Variants in PPP2R2A observed in about 807,000 individuals in gnomAD.
PPP2R2A encodes protein phosphatase 2 regulatory subunit Balpha.
PPP2R2A carries 9 observed loss-of-function variants against 53.2 expected under a neutral mutation model. The ratio of observed to expected loss-of-function variants is 0.17; its 90% CI spans 0.10 to 0.30. The LOEUF is 0.30. Among genes scored for constraint, PPP2R2A ranks in the 10% least tolerant of loss-of-function variants. The pLI, the probability that PPP2R2A is intolerant of heterozygous loss-of-function variation, is 1.00. For synonymous variants in PPP2R2A, 169 were observed against 174.2 expected (o/e 0.97, Z 0.23); for missense variants, 235 against 534.6 (o/e 0.44, Z 5.53).
chr8:26,346,069 AT>A (rs1212393909), intron 3 of PPP2R2A, among the ~76,000 whole-genome samples: 3 of 151,510 alleles, frequency 2.0e-5, no homozygotes, highest in African/African-American at 7.3e-5. Flanking sequence ...TGATGAAGTG[AT>A]TTTTTTCTCT....
intron 2 of PPP2R2A, among the ~76,000 whole-genome samples, chr8:26,308,351 C>CT (rs1359926228): frequency 1.3e-5 from 2 of 152,110 alleles, no homozygotes; most frequent in African/African-American, 4.8e-5. Context: ...GCATGCAATG[C>CT]TCTTTAATAG....
At chr8:26,331,830 A>G (rs1342858227) in intron 2 of PPP2R2A, among the ~76,000 whole-genome samples, 1 of 152,188 alleles carries the variant, frequency 6.6e-6, no homozygotes, top group Non-Finnish European at 1.5e-5. Context: ...GATTTATGCT[A>G]TTTTGTGTTG....
intron 2 of PPP2R2A, among the ~76,000 whole-genome samples, chr8:26,304,000 C>T (rs1311792257): frequency 1.3e-5 from 2 of 152,178 alleles, no homozygotes. Context: ...TTCGAATGAT[C>T]TCTCTTTTTC....
chr8:26,352,516 AAT>A (rs1491319387), intron 3 of PPP2R2A, among the ~76,000 whole-genome samples: 9 of 152,296 alleles, frequency 5.9e-5, no homozygotes, highest in Middle Eastern at 3.4e-3. Context: ...TGATCACTTT[AAT>A]AAAGTTTCAG....
intron 2 of PPP2R2A, among the ~76,000 whole-genome samples, chr8:26,337,314 G>T (rs970577083): frequency 6.6e-6 from 1 of 152,180 alleles, no homozygotes; most frequent in South Asian, 2.1e-4. Flanking sequence ...TTACGAGAAA[G>T]AATTTGTGTC....
At chr8:26,339,234 G>A (rs1431878995) in intron 3 of PPP2R2A, among the ~76,000 whole-genome samples, 1 of 152,136 alleles carries the variant, frequency 6.6e-6, no homozygotes, top group Admixed American at 6.5e-5. Flanking sequence ...TTAGAGAAGG[G>A]GGTGGAAAGT....
chr8:26,310,950 T>C (rs1010043334), intron 2 of PPP2R2A, among the ~76,000 whole-genome samples: 1 of 152,188 alleles, frequency 6.6e-6, no homozygotes, highest in African/African-American at 2.4e-5. Context: ...AATCATACAT[T>C]GTAGTGGAGG....
chr8:26,312,410 C>G (rs1349850631), intron 2 of PPP2R2A, among the ~76,000 whole-genome samples: 1 of 152,202 alleles, frequency 6.6e-6, no homozygotes, highest in Non-Finnish European at 1.5e-5. Flanking sequence ...GCTGGTGTTG[C>G]TGCTGGTGGT....
chr8:26,328,081 C>T (rs1317719491), intron 2 of PPP2R2A, among the ~76,000 whole-genome samples: 1 of 152,160 alleles, frequency 6.6e-6, no homozygotes, highest in East Asian at 1.9e-4. Context: ...ATGCAAGATG[C>T]AGGCATATGT....
At chr8:26,300,194 A>G (rs972590741) in intron 2 of PPP2R2A, among the ~76,000 whole-genome samples, 1 of 152,236 alleles carries the variant, frequency 6.6e-6, no homozygotes, top group African/African-American at 2.4e-5. Context: ...TTAAAATAAA[A>G]CAAAAATTAG....
At chr8:26,367,653 A>G (rs879420478) in intron 9 of PPP2R2A, among the ~76,000 whole-genome samples, 5 of 152,258 alleles carry the variant, frequency 3.3e-5, no homozygotes, top group African/African-American at 7.2e-5. Flanking sequence ...TGTGTGCCAC[A>G]TGGGAATTTA....
At chr8:26,322,860 C>T (rs574421628) in intron 2 of PPP2R2A, among the ~76,000 whole-genome samples, 151 of 152,318 alleles carry the variant, frequency 9.9e-4, no homozygotes, top group African/African-American at 2.8e-3. Flanking sequence ...CCACAGGAAG[C>T]AGCAGTTTTT....
chr8:26,344,005 G>A (rs1477901571), intron 3 of PPP2R2A, among the ~76,000 whole-genome samples: 3 of 152,120 alleles, frequency 2.0e-5, no homozygotes, highest in African/African-American at 7.2e-5. Context: ...CCCTGGTAGT[G>A]CAGTCTCCTT....
chr8:26,316,480 C>G (rs1424303064), intron 2 of PPP2R2A, among the ~76,000 whole-genome samples: 1 of 152,212 alleles, frequency 6.6e-6, no homozygotes, highest in Admixed American at 6.5e-5. Context: ...TCAGAGAAAA[C>G]TTCAGCTTTC....
intron 3 of PPP2R2A, among the ~76,000 whole-genome samples, chr8:26,346,253 G>T (rs1458908502): frequency 6.6e-6 from 1 of 151,918 alleles, no homozygotes; most frequent in African/African-American, 2.4e-5. Context: ...TCATCCTTAT[G>T]CCTCAGCCTC....
At chr8:26,313,491 G>A (rs1802389667) in intron 2 of PPP2R2A, among the ~76,000 whole-genome samples, 1 of 152,188 alleles carries the variant, frequency 6.6e-6, no homozygotes, top group Non-Finnish European at 1.5e-5. Flanking sequence ...TTAAGCCAGT[G>A]TTCACAGTTG....
chr8:26,331,771 A>G (rs1019865341), intron 2 of PPP2R2A, among the ~76,000 whole-genome samples: 5 of 152,222 alleles, frequency 3.3e-5, no homozygotes, highest in African/African-American at 1.2e-4. Flanking sequence ...GAATTTTAAG[A>G]AATAGTGGTT....
In PPP2R2A at chr8:26,362,745, A is replaced by G. The variant is rs368658005; in HGVS notation, c.699A>G (p.Glu233=). Residue 233 remains glutamate (E), a synonymous_variant, in exon 7 of 10, where the codon GAA becomes GAG. Coordinates refer to ENST00000380737, the MANE Select transcript of PPP2R2A (RefSeq NM_002717.4). The surrounding 1 kb of genome is among the most constrained non-coding windows in gnomAD (Gnocchi z 4.4). ...EELTEVITAA[E]FHPNSCNTFV... is the part of the protein sequence containing the mutation. ...TAACAGAGGTGATTACAGCAGCAGAATTTCATCCAAACAGCTGTAACACAT... is the reference window on the plus strand; with the variant it reads ...TAACAGAGGTGATTACAGCAGCAGAGTTTCATCCAAACAGCTGTAACACAT... 2 of 1,614,124 alleles carry G rather than the reference A, an allele frequency of 1.2e-6. No homozygotes were observed. Among genetic ancestry groups the G allele is most frequent in the Non-Finnish European group, 1.7e-6 (2 of 1,179,984 alleles).
At chr8:26,341,140 G>C (rs992229315) in intron 3 of PPP2R2A, among the ~76,000 whole-genome samples, 1 of 152,118 alleles carries the variant, frequency 6.6e-6, no homozygotes, top group African/African-American at 2.4e-5. Flanking sequence ...TTACTTAGTG[G>C]TGTAAATATC....
Sources: gnomAD v4.1 joint callset for allele counts (sites outside exome capture counted in the v4.1 genomes callset) on GRCh38, gnomAD v4.1.1 for gene constraint, Gnocchi (gnomAD v3.1) non-coding constraint, MANE v1.5 for transcripts, NCBI Gene and HGNC (gene_info 2026-07-23, HGNC 2026-07-21) for gene names.